The following DAB1 variants were observed in gnomAD, a reference collection of about 807,000 sequenced individuals.
DAB1 encodes DAB adaptor protein 1.
In DAB1, 15 loss-of-function variants were observed where a neutral mutation model predicts 64.6. The ratio of observed to expected loss-of-function variants is 0.23; its 90% CI spans 0.16 to 0.36. The LOEUF (loss-of-function observed/expected upper bound fraction) is 0.36, where lower values mean the gene tolerates loss of function less well. Ranked by LOEUF, DAB1 falls within the 10% of genes least tolerant of loss-of-function variation. DAB1 has a pLI of 1.00. For synonymous variants in DAB1, 235 were observed against 251.9 expected (o/e 0.93, Z 0.64); for missense variants, 596 against 706.7 (o/e 0.84, Z 1.78).
At chr1:58,320,417 C>T (rs1263905316) in intron 4 of DAB1, among the ~76,000 whole-genome samples, 1 of 152,206 alleles carries the variant, frequency 6.6e-6, no homozygotes, top group East Asian at 1.9e-4. Flanking sequence ...ATTTAATCTT[C>T]ACAACTACTC....
intron 2 of DAB1, among the ~76,000 whole-genome samples, chr1:58,511,562 G>A (rs563436238): frequency 2.6e-5 from 4 of 152,134 alleles, no homozygotes; most frequent in African/African-American, 9.6e-5. Context: ...CTGGGAAGTC[G>A]AGGCTAGAGT....
chr1:57,682,585 A>C lies in DAB1; in HGVS notation n.552-32920T>G, dbSNP rs74075821. Among the ~76,000 whole-genome samples the C allele has an allele frequency of 3.6e-3, 541 of 152,074 alleles. 3 individuals are homozygous for C. The highest frequency in any genetic ancestry group is 0.012 in the African/African-American group (507 of 41,492). On this transcript the variant is annotated intron_variant and non_coding_transcript_variant, in intron 6 of 20. Transcript: ENST00000485760. The stretch of plus-strand genomic sequence containing the variant: ...GCTCCTGGGAAAGGAGTGAATAAGG[A>C]GACCAAGGGATAGCCCATTCTCACC...
intron 7 of DAB1, among the ~76,000 whole-genome samples, chr1:57,473,461 C>T (rs576165440): frequency 3.3e-5 from 5 of 152,214 alleles, no homozygotes; most frequent in Non-Finnish European, 7.3e-5. Context: ...TTACTAAGAC[C>T]TTTCCCCCAC....
intron 11 of DAB1, among the ~76,000 whole-genome samples, chr1:57,018,268 G>A (rs138531544): frequency 5.9e-5 from 9 of 152,240 alleles, no homozygotes; most frequent in East Asian, 1.9e-4. Flanking sequence ...TGACAGAAGC[G>A]CTTCTCATGG....
chr1:57,832,702 G>T (rs1301276068), intron 1 of DAB1, among the ~76,000 whole-genome samples: 1 of 152,120 alleles, frequency 6.6e-6, no homozygotes, highest in Non-Finnish European at 1.5e-5. Flanking sequence ...ATTTCTGGGG[G>T]GGCAAAGAGA....
At position 57,564,422 on chromosome 1, in the gene DAB1, C is replaced by G. The variant is rs1280072003; in HGVS notation, n.625+85170G>C. On this transcript the variant is annotated intron_variant and non_coding_transcript_variant, in intron 7 of 20. Coordinates refer to the DAB1 transcript ENST00000485760. ...ACACAGCCCCTCGCCAGCAACAGAA[C>G]AAAGCTGGATGGAAAATGACTTTGA... Among the ~76,000 whole-genome samples, 3 of 152,264 alleles carry G rather than the reference C, an allele frequency of 2.0e-5. No individual in the cohort carries two copies. In the East Asian group the frequency reaches 5.8e-4, roughly 29 times the overall value.
chr1:57,959,890 G>A (rs1242804583), intron 5 of DAB1, among the ~76,000 whole-genome samples: 1 of 152,090 alleles, frequency 6.6e-6, no homozygotes, highest in Admixed American at 6.5e-5. Context: ...AGCTAACAAA[G>A]ACCTTATTAA....
At chr1:58,033,065 A>T (rs1646993293) in intron 5 of DAB1, among the ~76,000 whole-genome samples, 1 of 152,194 alleles carries the variant, frequency 6.6e-6, no homozygotes, top group Non-Finnish European at 1.5e-5. Flanking sequence ...TTGTCCCTCC[A>T]GAACCACCTT....
chr1:57,538,528 TG>T (rs2101440665), intron 7 of DAB1, among the ~76,000 whole-genome samples: 1 of 152,214 alleles, frequency 6.6e-6, no homozygotes, highest in East Asian at 1.9e-4. Flanking sequence ...CCTTTTACTC[TG>T]AAGGTTGAAG....
intron 1 of DAB1, among the ~76,000 whole-genome samples, chr1:57,871,172 A>G (rs1473860392): frequency 6.6e-6 from 1 of 152,150 alleles, no homozygotes; most frequent in Non-Finnish European, 1.5e-5. Flanking sequence ...AGGGGTGTGT[A>G]TTCTCCATCT....
chr1:58,480,752 T>C (rs1291329591), intron 3 of DAB1: 2 of 393,704 alleles, frequency 5.1e-6, no homozygotes, highest in South Asian at 4.7e-5. Flanking sequence ...TCTGTGACAT[T>C]TTCCTCATTG....
At chr1:57,889,898 G>T (rs1390071203) in intron 5 of DAB1, among the ~76,000 whole-genome samples, 3 of 118,236 alleles carry the variant, frequency 2.5e-5, no homozygotes, top group African/African-American at 3.4e-5. Flanking sequence ...ACAAACTGGG[G>T]CGGGGGGGGG....
intron 7 of DAB1, among the ~76,000 whole-genome samples, chr1:57,561,949 A>G (rs1645057644): frequency 6.6e-6 from 1 of 152,210 alleles, no homozygotes; most frequent in Admixed American, 6.5e-5. Context: ...TACTCCAGAT[A>G]TGGGTTTGCC....
intron 1 of DAB1, among the ~76,000 whole-genome samples, chr1:57,415,742 A>G (rs1684445895): frequency 6.6e-6 from 1 of 152,172 alleles, no homozygotes; most frequent in Non-Finnish European, 1.5e-5. Context: ...GCTCAGAATA[A>G]CATGGCCTGC....
intron 4 of DAB1, among the ~76,000 whole-genome samples, chr1:58,269,096 G>A (rs1569585437): frequency 6.7e-6 from 1 of 149,814 alleles, no homozygotes; most frequent in Non-Finnish European, 1.5e-5. Context: ...CATGTGCCAT[G>A]CTGGTGCGCT....
At chr1:58,061,412 C>T (rs1331325853) in intron 5 of DAB1, among the ~76,000 whole-genome samples, 1 of 152,138 alleles carries the variant, frequency 6.6e-6, no homozygotes, top group East Asian at 1.9e-4. Flanking sequence ...CCAGGCTTCT[C>T]CTCTAGCTTC....
At chr1:58,116,447 A>T (rs2100661178) in intron 5 of DAB1, among the ~76,000 whole-genome samples, 1 of 152,354 alleles carries the variant, frequency 6.6e-6, no homozygotes, top group Middle Eastern at 3.4e-3. Context: ...GTATTCCAGG[A>T]TCTGCTAGCA....
intron 6 of DAB1, among the ~76,000 whole-genome samples, chr1:57,760,365 A>G (rs1649018053): frequency 6.6e-6 from 1 of 152,196 alleles, no homozygotes; most frequent in South Asian, 2.1e-4. Context: ...CTTGAATTTA[A>G]AAGCTGTCAA....
intron 1 of DAB1, among the ~76,000 whole-genome samples, chr1:57,384,970 T>A (rs11803541): frequency 0.12 from 17,647 of 152,200 alleles, 1,140 homozygotes; most frequent in Admixed American, 0.15. Context: ...TTGTAAAGCA[T>A]GTTAAAAATG....
Sources: gnomAD v4.1 joint callset for allele counts (sites outside exome capture counted in the v4.1 genomes callset) on GRCh38, gnomAD v4.1.1 for gene constraint, MANE v1.5 for transcripts, NCBI Gene and HGNC (gene_info 2026-07-23, HGNC 2026-07-21) for gene names.